TG: variants seen among roughly 807,000 people sequenced by gnomAD.
The protein encoded by TG is thyroid hormones.
TG carries 270 observed loss-of-function variants against 324.7 expected under a neutral mutation model. That is an observed-to-expected ratio of 0.83 (90% CI 0.75 to 0.92). The LOEUF (loss-of-function observed/expected upper bound fraction) is 0.92, where lower values mean the gene tolerates loss of function less well. Among genes scored for constraint, TG ranks in the 40% least tolerant of loss-of-function variants. The pLI is 0.00. For synonymous variants in TG, 1,401 were observed against 1,327.0 expected (o/e 1.06, Z -1.21); for missense variants, 3,591 against 3,456.4 (o/e 1.04, Z -0.98).
chr8:133,021,510 A>G (rs1301443089), intron 39 of TG, among the ~76,000 whole-genome samples: 2 of 152,202 alleles, frequency 1.3e-5, no homozygotes, highest in Admixed American at 6.5e-5. Flanking sequence ...ATGGGGTTTA[A>G]TAGTTGCTCA....
At chr8:133,055,545 G>A (rs775679667) in intron 41 of TG, among the ~76,000 whole-genome samples, 15 of 152,024 alleles carry the variant, frequency 9.9e-5, no homozygotes, top group African/African-American at 2.9e-4. Flanking sequence ...TTTGAGACCC[G>A]GTAGCCCACA....
At chr8:132,913,652 G>A (rs1819858236) in intron 20 of TG, among the ~76,000 whole-genome samples, 1 of 152,158 alleles carries the variant, frequency 6.6e-6, no homozygotes, top group Non-Finnish European at 1.5e-5. Context: ...TTAAAACTCA[G>A]GGAAAATGGT....
chr8:133,061,455 G>A (rs191166984), intron 41 of TG, among the ~76,000 whole-genome samples: 28 of 152,316 alleles, frequency 1.8e-4, no homozygotes, highest in Admixed American at 1.6e-3. Context: ...TCTGTTTACT[G>A]ATTGTCCTTA....
intron 41 of TG, among the ~76,000 whole-genome samples, chr8:133,063,904 A>G (rs1424019258): frequency 2.0e-5 from 3 of 152,250 alleles, no homozygotes; most frequent in African/African-American, 7.2e-5. Flanking sequence ...TGGCTGAACA[A>G]TTTGATTTAA....
At chr8:132,960,166 A>G (rs2177296) in intron 27 of TG, among the ~76,000 whole-genome samples, 41,330 of 152,170 alleles carry the variant, frequency 0.27, 6,690 homozygotes, top group East Asian at 0.48. Context: ...AAACCAGCAC[A>G]AAGTTTTGCA....
rs141811207 is a variant in TG at position 132,997,908 on chromosome 8, C to G, written c.6263-13993C>G. Among the ~76,000 whole-genome samples the G allele has an allele frequency of 7.9e-5, 12 of 152,206 alleles. No individual in the cohort carries two copies. The East Asian group carries it at 2.3e-3, about 29-fold the overall frequency. On this transcript the variant is annotated intron_variant, in intron 35 of 47. Transcript: ENST00000220616. ...TATATTTTTTAGGGAAATGGGTCAC[C>G]TGAAACCCAGACCATGAGATGAGAA...
chr8:132,875,876 G>T (rs1310146124), intron 5 of TG, among the ~76,000 whole-genome samples: 1 of 152,138 alleles, frequency 6.6e-6, no homozygotes, highest in Non-Finnish European at 1.5e-5. Flanking sequence ...CTGGGTAGTC[G>T]CAGGCCCAGT....
chr8:133,034,066 T>A, intron 41 of TG, among the ~76,000 whole-genome samples: 1 of 152,236 alleles, frequency 6.6e-6, no homozygotes, highest in Middle Eastern at 3.2e-3. Context: ...AGTGTGAGCA[T>A]GCTATGCTTG....
At chr8:133,039,806 G>T (rs1587836307) in intron 41 of TG, among the ~76,000 whole-genome samples, 1 of 152,112 alleles carries the variant, frequency 6.6e-6, no homozygotes, top group South Asian at 2.1e-4. Context: ...GCCTGAAGCT[G>T]CCCCTGCACC....
chr8:132,896,132 C>T (rs1173216257), intron 11 of TG, among the ~76,000 whole-genome samples: 4 of 152,252 alleles, frequency 2.6e-5, no homozygotes, highest in Non-Finnish European at 5.9e-5. Context: ...GTGTTTAACA[C>T]CTATCAGCTC....
chr8:133,069,756 T>C (rs1175372504), intron 41 of TG, among the ~76,000 whole-genome samples: 3 of 151,922 alleles, frequency 2.0e-5, no homozygotes, highest in African/African-American at 7.3e-5. Context: ...ATCCCAGCAC[T>C]TTAGGAGGCT....
chr8:132,940,976 C>A (rs1824358055), intron 25 of TG, among the ~76,000 whole-genome samples: 1 of 152,212 alleles, frequency 6.6e-6, no homozygotes, highest in African/African-American at 2.4e-5. Context: ...CGGTGAAAAT[C>A]AAATGAAACC....
intron 35 of TG, among the ~76,000 whole-genome samples, chr8:133,001,414 T>A (rs965204106): frequency 6.6e-6 from 1 of 152,212 alleles, no homozygotes; most frequent in Non-Finnish European, 1.5e-5. Context: ...GAGTGTCTGC[T>A]GCAAGTGTAA....
intron 27 of TG, 134 bp from the exon 28 acceptor site, chr8:132,960,874 T>C (rs1564006328): frequency 2.2e-6 from 2 of 903,744 alleles, no homozygotes; most frequent in Admixed American, 1.7e-5. Flanking sequence ...GCTTCTGGGT[T>C]ACATCTTACG....
intron 41 of TG, among the ~76,000 whole-genome samples, chr8:133,046,810 T>A (rs562044969): frequency 5.1e-4 from 77 of 152,322 alleles, no homozygotes; most frequent in South Asian, 1.4e-3. Context: ...AGATTTTTTT[T>A]AAATCATATA....
At chr8:133,128,646 C>T (rs1369686712) in intron 45 of TG, among the ~76,000 whole-genome samples, 1 of 152,296 alleles carries the variant, frequency 6.6e-6, no homozygotes, top group East Asian at 1.9e-4. Context: ...CCATCTTGGG[C>T]AGGTAGCTTT....
At chr8:132,925,722 C>T (rs1014947974) in intron 22 of TG, among the ~76,000 whole-genome samples, 8 of 152,198 alleles carry the variant, frequency 5.3e-5, no homozygotes, top group Admixed American at 2.0e-4. Context: ...ACTTGCCCTG[C>T]GGCCCTGGTG....
Position 132,972,581 on chromosome 8 carries a change from T to G in TG, c.6056-17T>G. On this transcript the variant is annotated splice_polypyrimidine_tract_variant and intron_variant, in intron 33 of 47. Transcript: ENST00000220616. ...TTTCCTGATTGTGGTTTTTTGTTTT[T>G]TTTTTTTCCACCCCAGGAGGAGAGG... The G allele has an allele frequency of 6.2e-7, 1 of 1,607,210 alleles. No homozygotes were observed.
intron 29 of TG, among the ~76,000 whole-genome samples, chr8:132,963,833 A>C (rs1361786174): frequency 2.6e-5 from 4 of 152,204 alleles, no homozygotes; most frequent in Non-Finnish European, 4.4e-5. Flanking sequence ...CAGGGGAAAA[A>C]AACGTCATGC....
Sources: gnomAD v4.1 joint callset for allele counts (sites outside exome capture counted in the v4.1 genomes callset) on GRCh38, gnomAD v4.1.1 for gene constraint, MANE v1.5 for transcripts, NCBI Gene and HGNC (gene_info 2026-07-23, HGNC 2026-07-21) for gene names.